PHF21B: variants seen among roughly 807,000 people sequenced by gnomAD.
PHF21B encodes PHD finger protein 4.
In PHF21B, 22 loss-of-function variants were observed where a neutral mutation model predicts 62.2. The observed-to-expected ratio is 0.35, with a 90% confidence interval of 0.25 to 0.51. The LOEUF is 0.51. Among genes scored for constraint, PHF21B ranks in the 20% least tolerant of loss-of-function variants. PHF21B has a pLI of 0.97. For synonymous variants in PHF21B, 341 were observed against 314.7 expected (o/e 1.08, Z -0.88); for missense variants, 701 against 707.9 (o/e 0.99, Z 0.11).
At chr22:44,915,411 G>A (rs2071414635) in intron 4 of PHF21B, among the ~76,000 whole-genome samples, 1 of 152,200 alleles carries the variant, frequency 6.6e-6, no homozygotes, top group Non-Finnish European at 1.5e-5. Context: ...GTGCAGTTGG[G>A]TGAAACAGAC....
chr22:44,885,990 G>T (rs753063766), intron 10 of PHF21B, 52 bp from the exon 11 acceptor site: 1 of 1,560,490 alleles, frequency 6.4e-7, no homozygotes, highest in African/African-American at 1.4e-5. Flanking sequence ...GGACCTGCTG[G>T]GACTGTCCAC....
intron 5 of PHF21B, among the ~76,000 whole-genome samples, chr22:44,898,589 T>A (rs994759911): frequency 2.6e-5 from 4 of 152,332 alleles, no homozygotes; most frequent in East Asian, 1.9e-4. Context: ...TAGATTTTTT[T>A]AAAAAGAGTA....
chr22:44,996,898 G>T (rs560121613), intron 2 of PHF21B, among the ~76,000 whole-genome samples: 1 of 151,824 alleles, frequency 6.6e-6, no homozygotes, highest in Admixed American at 6.6e-5. Context: ...ATACACAAAC[G>T]TGTGCACACA....
chr22:44,999,755 G>A (rs557007113), intron 2 of PHF21B, among the ~76,000 whole-genome samples: 9 of 152,150 alleles, frequency 5.9e-5, no homozygotes, highest in African/African-American at 9.6e-5. Flanking sequence ...ACTGGACCAC[G>A]GCTTCTCTAC....
chr22:44,910,265 T>G (rs929316750), intron 5 of PHF21B, among the ~76,000 whole-genome samples: 1 of 152,110 alleles, frequency 6.6e-6, no homozygotes, highest in African/African-American at 2.4e-5. Flanking sequence ...TCTTGTGGAA[T>G]GAAGGGCACA....
intron 8 of PHF21B, 72 bp from the exon 9 acceptor site, chr22:44,889,854 T>G (rs1195900666): frequency 7.0e-7 from 1 of 1,430,144 alleles, no homozygotes; most frequent in Non-Finnish European, 9.2e-7. Flanking sequence ...CTGGAGTCCA[T>G]GAGGCCTCAT....
intron 5 of PHF21B, among the ~76,000 whole-genome samples, chr22:44,908,875 G>A (rs528031825): frequency 2.6e-5 from 4 of 152,164 alleles, no homozygotes; most frequent in Middle Eastern, 3.2e-3. Context: ...TTGGCTCACC[G>A]CAACCTCCGC....
chr22:44,939,595 G>T (rs545301714), intron 2 of PHF21B, among the ~76,000 whole-genome samples: 61 of 152,286 alleles, frequency 4.0e-4, no homozygotes, highest in African/African-American at 1.4e-3. Flanking sequence ...AGTTAAGTAG[G>T]GTTCCCAGAC....
chr22:44,960,861 A>G (rs1429975370), intron 2 of PHF21B, among the ~76,000 whole-genome samples: 2 of 151,682 alleles, frequency 1.3e-5, no homozygotes, highest in African/African-American at 4.8e-5. Context: ...CTCCTTTTGG[A>G]CTGGAACTTA....
rs74725902 is a variant in PHF21B at position 44,939,875 on chromosome 22, T to C, written c.121-19385A>G. On this transcript the variant is annotated intron_variant, in intron 2 of 12. Transcript: ENST00000313237. ...CGGAGGCAGGGAGACCAGGAGGAGG[T>C]TGCAGAGGCCCAGGGAGGTGAGGAT... is the stretch of plus-strand genomic sequence containing the variant. Among the ~76,000 whole-genome samples, 9 of 151,774 alleles carry C rather than the reference T, an allele frequency of 5.9e-5. No homozygotes were observed. The East Asian group carries it at 1.5e-3, about 26-fold the overall frequency.
intron 5 of PHF21B, among the ~76,000 whole-genome samples, chr22:44,911,122 G>A (rs1181334976): frequency 6.6e-6 from 1 of 152,138 alleles, no homozygotes; most frequent in Non-Finnish European, 1.5e-5. Context: ...GATGATTTAG[G>A]GTATCTGACA....
chr22:44,894,572 A>T (rs567706279), intron 6 of PHF21B, among the ~76,000 whole-genome samples: 1 of 152,334 alleles, frequency 6.6e-6, no homozygotes, highest in South Asian at 2.1e-4. Flanking sequence ...ATCTCGCTCA[A>T]GCTCACACCA....
intron 2 of PHF21B, among the ~76,000 whole-genome samples, chr22:44,976,453 A>C (rs2072739878): frequency 6.6e-6 from 1 of 152,260 alleles, no homozygotes; most frequent in African/African-American, 2.4e-5. Context: ...CCCATTGACC[A>C]ATCTTTCCCT....
intron 2 of PHF21B, among the ~76,000 whole-genome samples, chr22:44,973,672 G>C (rs1164029347): frequency 4.6e-5 from 7 of 152,142 alleles, no homozygotes; most frequent in Non-Finnish European, 8.8e-5. Flanking sequence ...GTGCTTGACT[G>C]GGGTGAGGGG....
At chr22:44,956,586 T>C (rs747496986) in intron 2 of PHF21B, among the ~76,000 whole-genome samples, 3 of 152,226 alleles carry the variant, frequency 2.0e-5, no homozygotes, top group Non-Finnish European at 4.4e-5. Flanking sequence ...ATTATGGGAC[T>C]GCAGAGCTGC....
At chr22:44,936,762 A>G (rs1298495811) in intron 2 of PHF21B, among the ~76,000 whole-genome samples, 1 of 152,158 alleles carries the variant, frequency 6.6e-6, no homozygotes, top group Non-Finnish European at 1.5e-5. Flanking sequence ...GTGGCTTACC[A>G]GAAGATTTAA....
In PHF21B at chr22:44,883,012, G is replaced by T; in HGVS notation, c.*74C>A. 1 of 1,452,144 alleles carries T rather than the reference G, an allele frequency of 6.9e-7. No individual in the cohort carries two copies. The highest frequency in any genetic ancestry group is 9.3e-7 in the Non-Finnish European group (1 of 1,080,396). The allele number at this position is 1,452,144 out of a possible 1,614,324, so 90.0% of individuals were successfully genotyped here. On this transcript the variant is annotated 3_prime_UTR_variant, in exon 13 of 13. Transcript: ENST00000313237. Reference sequence around the variant, plus strand: ...AAATTCATAGTGTTTATGAATTAAGGCCGACAGAACCCCCAGGCTGTGTAA... The same window carrying T: ...AAATTCATAGTGTTTATGAATTAAGTCCGACAGAACCCCCAGGCTGTGTAA...
At chr22:44,950,414 C>A (rs111649048) in intron 2 of PHF21B, among the ~76,000 whole-genome samples, 29,499 of 152,080 alleles carry the variant, frequency 0.19, 3,060 homozygotes, top group Middle Eastern at 0.32. Context: ...CAAAAGTTCA[C>A]GACAGATGTC....
In PHF21B at chr22:44,916,374, G is replaced by C; in HGVS notation, c.470C>G (p.Pro157Arg). Residue 157 changes from proline to arginine, a missense_variant, in exon 4 of 13, where the codon CCC becomes CGC. Transcript: ENST00000313237. ...GVAYAIISTS[P>R]SNAAAMAPST... is the part of the protein sequence containing the mutation. ...GGGGGCCATGGCGGCGGCATTGCTGGGGGAGGTGGAGATGATGGCGTAGGC... is the reference window on the plus strand; with the variant it reads ...GGGGGCCATGGCGGCGGCATTGCTGCGGGAGGTGGAGATGATGGCGTAGGC... 3 of 1,592,468 alleles carry C rather than the reference G, an allele frequency of 1.9e-6. No individual in the cohort carries two copies. The highest frequency in any genetic ancestry group is 2.6e-6 in the Non-Finnish European group (3 of 1,175,732).
Sources: allele counts gnomAD v4.1 joint callset (sites outside exome capture counted in the v4.1 genomes callset), GRCh38; gene constraint gnomAD v4.1.1; transcripts MANE v1.5; gene names NCBI Gene and HGNC (gene_info 2026-07-23, HGNC 2026-07-21).